Variants in UBL3 observed in about 807,000 individuals in gnomAD.
The protein encoded by UBL3 is ubiquitin-like protein 3.
Under a neutral mutation model 18.4 loss-of-function variants are expected in UBL3, and 6 were observed. That is an observed-to-expected ratio of 0.33 (90% confidence interval 0.18 to 0.64). The LOEUF (loss-of-function observed/expected upper bound fraction) is 0.64. UBL3 is among the 30% of genes least tolerant of loss of function. The pLI, the probability that UBL3 is intolerant of heterozygous loss-of-function variation, is 0.76. For missense variants in UBL3, 109 were observed against 142.9 expected (o/e 0.76, Z 1.21); for synonymous variants, 49 against 46.6 (o/e 1.05, Z -0.21).
intron 1 of UBL3, among the ~76,000 whole-genome samples, chr13:29,839,569 A>C (rs1410680306): frequency 1.3e-5 from 2 of 152,208 alleles, no homozygotes; most frequent in Non-Finnish European, 2.9e-5. Flanking sequence ...AGGAAGGAGC[A>C]GTTGAACGCA....
intron 3 of UBL3, among the ~76,000 whole-genome samples, chr13:29,770,382 T>C (rs1158239768): frequency 6.6e-6 from 1 of 152,088 alleles, no homozygotes; most frequent in Non-Finnish European, 1.5e-5. Context: ...AGAATTACAA[T>C]AATAATTACA....
chr13:29,777,243 C>G lies in UBL3; in HGVS notation c.48G>C (p.Leu16Phe). The G allele has an allele frequency of 6.2e-7, 1 of 1,607,550 alleles. No homozygotes were observed. The highest frequency in any genetic ancestry group is 8.5e-7 in the Non-Finnish European group (1 of 1,177,154). Residue 16 changes from leucine (L) to phenylalanine (F), a missense_variant, in exon 2 of 5, where the codon TTG becomes TTC. By Grantham distance (22) the Leu-to-Phe change is conservative (BLOSUM62 0). Coordinates refer to ENST00000380680, the MANE Select transcript of UBL3 (RefSeq NM_007106.4). ...PADMINLRLI[L>F]VSGKTKEFLF... ...GGAACTCTTTTGTTTTTCCGCTTAC[C>G]AAAATGAGGCGCAAATTTATCTGAA...
chr13:29,794,156 T>A (rs947211525), intron 1 of UBL3, among the ~76,000 whole-genome samples: 3 of 152,136 alleles, frequency 2.0e-5, no homozygotes, highest in Non-Finnish European at 4.4e-5. Flanking sequence ...TATTAGATAT[T>A]ATCTTATTTT....
chr13:29,822,789 TAA>T (rs1377415694), intron 1 of UBL3, among the ~76,000 whole-genome samples: 3 of 152,138 alleles, frequency 2.0e-5, no homozygotes, highest in East Asian at 3.9e-4. Flanking sequence ...CTCAAAGAAC[TAA>T]AGGTTTTCTT....
chr13:29,819,405 G>A (rs1216965498), intron 1 of UBL3, among the ~76,000 whole-genome samples: 1 of 152,144 alleles, frequency 6.6e-6, no homozygotes, highest in Admixed American at 6.5e-5. Context: ...AAAGAAAGAT[G>A]CTCAGAGTTC....
chr13:29,849,674 T>C lies in UBL3; in HGVS notation c.-136A>G. 2 of 1,197,032 alleles carry C rather than the reference T, an allele frequency of 1.7e-6. No individual in the cohort carries two copies. The highest frequency in any genetic ancestry group is 2.4e-6 in the Non-Finnish European group (2 of 839,362). 74.2% of individuals were successfully genotyped at this position (1,197,032 alleles called of 1,614,324 possible). The stretch of plus-strand genomic sequence containing the variant: ...GCTTTCTCCCCCAAAAATAAAGTTA[T>C]TTTGGAGCCAAAGTGCCGGTCAGGC... On this transcript the variant is annotated 5_prime_UTR_variant, in exon 1 of 5. Transcript: ENST00000380680.
chr13:29,783,661 G>T (rs539250158), intron 1 of UBL3, among the ~76,000 whole-genome samples: 3 of 152,138 alleles, frequency 2.0e-5, no homozygotes, highest in Non-Finnish European at 4.4e-5. Flanking sequence ...TTCTATAAAT[G>T]TGAGCTTGTT....
chr13:29,778,985 T>G (rs548031677), intron 1 of UBL3, among the ~76,000 whole-genome samples: 1 of 152,296 alleles, frequency 6.6e-6, no homozygotes, highest in African/African-American at 2.4e-5. Flanking sequence ...CAATAAGAAT[T>G]TCTTGCTGCT....
Position 29,785,992 on chromosome 13 carries a change from G to T in UBL3, c.28-8729C>A, listed in dbSNP as rs367572158. Among the ~76,000 whole-genome samples, 370 of 152,274 alleles carry T rather than the reference G, an allele frequency of 2.4e-3. 1 individual carries two copies. The highest frequency in any genetic ancestry group is 8.5e-3 in the African/African-American group (354 of 41,548). ...TTATAAAAAGTAAAAATAATAGCTT[G>T]CCATTTATTGAGTGGTGTAGTATAT... is the stretch of plus-strand genomic sequence containing the variant. On this transcript the variant is annotated intron_variant, in intron 1 of 4. Coordinates refer to ENST00000380680, the MANE Select transcript of UBL3 (RefSeq NM_007106.4).
rs771541163 is a variant in UBL3, at chr13:29,780,535, A to T, written c.28-3272T>A. ...AGAAGGTTGACAAAAAAATCAACAA[A>T]AACTAAAAACTAAATTACTTGGATC... is the stretch of plus-strand genomic sequence containing the variant. On this transcript the variant is annotated intron_variant, in intron 1 of 4. Coordinates refer to ENST00000380680, the MANE Select transcript of UBL3 (RefSeq NM_007106.4). Among the ~76,000 whole-genome samples, 8 of 151,132 alleles carry T rather than the reference A, an allele frequency of 5.3e-5. No homozygotes were observed. The South Asian group carries it at 1.7e-3, about 32-fold the overall frequency.
rs540762347 is a variant in UBL3, at chr13:29,847,140, C to CA, written c.27+2371dup. The stretch of plus-strand genomic sequence containing the variant: ...AAAGTTGAGAATTCTAGGCACATAG[C>CA]AAATGATAGACTTCTTAAGCAAAAA... On this transcript the variant is annotated intron_variant, in intron 1 of 4. Transcript: ENST00000380680. Among the ~76,000 whole-genome samples the CA allele has an allele frequency of 2.5e-4, 38 of 152,260 alleles. No individual in the cohort carries two copies. The South Asian group carries it at 7.0e-3, about 28-fold the overall frequency.
intron 1 of UBL3, among the ~76,000 whole-genome samples, chr13:29,846,874 C>G (rs1879240355): frequency 6.6e-6 from 1 of 152,208 alleles, no homozygotes. Flanking sequence ...CATTTTACTG[C>G]ATCTAGCAAA....
chr13:29,822,453 T>C (rs1488302496), intron 1 of UBL3, among the ~76,000 whole-genome samples: 2 of 152,230 alleles, frequency 1.3e-5, no homozygotes, highest in Non-Finnish European at 2.9e-5. Flanking sequence ...TCTGCTCCTT[T>C]TGATTCTACT....
chr13:29,793,675 T>C (rs144251629), intron 1 of UBL3, among the ~76,000 whole-genome samples: 2,886 of 152,284 alleles, frequency 0.019, 39 homozygotes, highest in Middle Eastern at 0.031. Context: ...CTCAAGAATA[T>C]GTGAGGGATG....
intron 1 of UBL3, among the ~76,000 whole-genome samples, chr13:29,837,911 G>A (rs1421875756): frequency 1.2e-5 from 1 of 85,948 alleles, no homozygotes; most frequent in Non-Finnish European, 2.4e-5. Flanking sequence ...GCAAGACTCT[G>A]TCTCAATAAT....
chr13:29,834,077 C>T (rs1376273389), intron 1 of UBL3, among the ~76,000 whole-genome samples: 2 of 151,844 alleles, frequency 1.3e-5, no homozygotes, highest in African/African-American at 4.8e-5. Context: ...ATCCCAGCTA[C>T]TCAGGAGGCT....
At position 29,764,503 on chromosome 13, in the gene UBL3, T is replaced by G. The variant is rs1876611831; in HGVS notation, c.*2752A>C. On this transcript the variant is annotated 3_prime_UTR_variant, in exon 5 of 5. Coordinates refer to ENST00000380680, the MANE Select transcript of UBL3 (RefSeq NM_007106.4). The stretch of plus-strand genomic sequence containing the variant: ...TTACTGTAACATTGGTCACGATGAC[T>G]TCATAAAACTAAAGATAAATGTTAT... The G allele has an allele frequency of 6.6e-6, 1 of 152,234 alleles. No individual in the cohort carries two copies. The highest frequency in any genetic ancestry group is 2.4e-5 in the African/African-American group (1 of 41,456). The allele number at this position is 152,234 out of a possible 1,614,324, so 9.4% of individuals were successfully genotyped here.
At chr13:29,834,480 A>G (rs1878868199) in intron 1 of UBL3, among the ~76,000 whole-genome samples, 1 of 152,178 alleles carries the variant, frequency 6.6e-6, no homozygotes, top group Admixed American at 6.5e-5. Context: ...ATAGCCACAT[A>G]GCAAATCCAC....
At chr13:29,832,334 T>C (rs1192863851) in intron 1 of UBL3, among the ~76,000 whole-genome samples, 2 of 49,518 alleles carry the variant, frequency 4.0e-5, no homozygotes, top group Admixed American at 1.9e-4. Context: ...ACCTAATTTC[T>C]TTTTTTTTTT....
Sources: allele counts gnomAD v4.1 joint callset (sites outside exome capture counted in the v4.1 genomes callset), GRCh38; gene constraint gnomAD v4.1.1; transcripts MANE v1.5; gene names NCBI Gene and HGNC (gene_info 2026-07-23, HGNC 2026-07-21).